Variants in SLC39A8 observed in about 807,000 individuals in gnomAD.
SLC39A8 encodes solute carrier family 39 member 8.
Under a neutral mutation model 40.4 loss-of-function variants are expected in SLC39A8, and 15 were observed. That is an observed-to-expected ratio of 0.37 (90% CI 0.25 to 0.57). The LOEUF is 0.57. SLC39A8 is among the 20% of genes least tolerant of loss of function. The probability of loss-of-function intolerance (pLI) is 0.75; values close to 1 mark genes in which losing one functional copy is unlikely to be tolerated. For missense variants in SLC39A8, 472 were observed against 558.8 expected, an observed-to-expected ratio of 0.84 and a Z score of 1.57; for synonymous variants, 223 against 221.6, an observed-to-expected ratio of 1.01 and a Z score of -0.06.
At chr4:102,282,565 C>T (rs540481274) in intron 6 of SLC39A8, among the ~76,000 whole-genome samples, 25 of 151,438 alleles carry the variant, frequency 1.7e-4, no homozygotes, top group Admixed American at 1.2e-3. Context: ...CCTTTTTGGC[C>T]GAGAATTTAG....
rs575988777 is a variant in SLC39A8 at position 102,264,152 on chromosome 4, G to A, written c.1234-959C>T. On this transcript the variant is annotated intron_variant, in intron 8 of 8. Coordinates refer to ENST00000356736, the MANE Select transcript of SLC39A8 (RefSeq NM_001135146.2). ...ACTTACTTTGCCCAGATGCATCAGA[G>A]GAATCACTATCTACAGCAACTAGAG... Among the ~76,000 whole-genome samples, 3 of 152,250 alleles carry A rather than the reference G, an allele frequency of 2.0e-5. No individual in the cohort carries two copies. The East Asian group carries it at 5.8e-4, about 29-fold the overall frequency.
At chr4:102,329,592 C>T (rs1337232061) in intron 2 of SLC39A8, among the ~76,000 whole-genome samples, 2 of 144,426 alleles carry the variant, frequency 1.4e-5, no homozygotes, top group Non-Finnish European at 3.0e-5. Context: ...CACTGCAATC[C>T]AGCCTGGGGG....
At chr4:102,297,755 C>CA (rs1039922139) in intron 6 of SLC39A8, among the ~76,000 whole-genome samples, 12 of 151,616 alleles carry the variant, frequency 7.9e-5, no homozygotes, top group South Asian at 4.2e-4. Context: ...CATTTCTACA[C>CA]AAAAAAAATT....
intron 2 of SLC39A8, among the ~76,000 whole-genome samples, chr4:102,327,760 G>T (rs962168786): frequency 2.6e-5 from 4 of 152,158 alleles, no homozygotes; most frequent in African/African-American, 9.7e-5. Flanking sequence ...TGCTAATTTT[G>T]TAGATTAAGG....
intron 2 of SLC39A8, among the ~76,000 whole-genome samples, chr4:102,334,233 A>T (rs987653201): frequency 3.3e-5 from 5 of 152,206 alleles, no homozygotes; most frequent in African/African-American, 7.2e-5. Context: ...TGGCCTTGCT[A>T]ATACAGCATC....
chr4:102,311,682 G>A (rs1734432593), intron 3 of SLC39A8, among the ~76,000 whole-genome samples: 1 of 151,956 alleles, frequency 6.6e-6, no homozygotes, highest in Admixed American at 6.6e-5. Flanking sequence ...CTTATCATCA[G>A]TTTACTGTAC....
intron 2 of SLC39A8, among the ~76,000 whole-genome samples, chr4:102,329,622 C>CAAA (rs201339453): frequency 1.3e-5 from 1 of 75,004 alleles, no homozygotes; most frequent in Admixed American, 1.5e-4. Context: ...GAATCTGTCT[C>CAAA]AAAAAAAAAA....
chr4:102,280,026 A>C (rs1272938668), intron 6 of SLC39A8, among the ~76,000 whole-genome samples: 1 of 152,184 alleles, frequency 6.6e-6, no homozygotes, highest in Non-Finnish European at 1.5e-5. Context: ...GGTTCCAGAC[A>C]GTGAGCTCTA....
At chr4:102,315,206 T>C (rs1734603496) in intron 3 of SLC39A8, among the ~76,000 whole-genome samples, 1 of 152,136 alleles carries the variant, frequency 6.6e-6, no homozygotes, top group Non-Finnish European at 1.5e-5. Context: ...TTCTTTCACC[T>C]ATGAAAATTA....
At chr4:102,292,679 AAT>A (rs1432550932) in intron 6 of SLC39A8, among the ~76,000 whole-genome samples, 1 of 152,024 alleles carries the variant, frequency 6.6e-6, no homozygotes, top group East Asian at 1.9e-4. Flanking sequence ...CCGTCATTGA[AAT>A]AGAGGACTTT....
At chr4:102,279,612 C>T (rs1386690283) in intron 6 of SLC39A8, among the ~76,000 whole-genome samples, 1 of 152,110 alleles carries the variant, frequency 6.6e-6, no homozygotes, top group Non-Finnish European at 1.5e-5. Context: ...AAGGTAAATA[C>T]AGAAGGTATT....
chr4:102,308,052 A>T (rs1254494106), intron 3 of SLC39A8, among the ~76,000 whole-genome samples: 1 of 151,990 alleles, frequency 6.6e-6, no homozygotes, highest in African/African-American at 2.4e-5. Context: ...GCAGGGATGG[A>T]GATGGGTCAC....
At chr4:102,322,235 G>A (rs1490385392) in intron 2 of SLC39A8, among the ~76,000 whole-genome samples, 1 of 152,170 alleles carries the variant, frequency 6.6e-6, no homozygotes, top group Admixed American at 6.6e-5. Flanking sequence ...CCATGTGAAA[G>A]AAGGCTAACT....
At chr4:102,251,773 T>G (rs1356606804) in exon 12 of SLC39A8, 1 of 152,238 alleles carries the variant, frequency 6.6e-6, no homozygotes, top group African/African-American at 2.4e-5. Context: ...CTATACAGAA[T>G]TCTCTCAGTT....
chr4:102,299,106 T>C (rs1326802804), intron 6 of SLC39A8, among the ~76,000 whole-genome samples: 1 of 151,922 alleles, frequency 6.6e-6, no homozygotes, highest in Non-Finnish European at 1.5e-5. Context: ...AGGGGTGTTA[T>C]GTCAAATATT....
chr4:102,277,512 T>C (rs1263721246), intron 6 of SLC39A8, among the ~76,000 whole-genome samples: 1 of 152,164 alleles, frequency 6.6e-6, no homozygotes, highest in Non-Finnish European at 1.5e-5. Context: ...ATGAAAAACA[T>C]TCCATGCTCA....
intron 2 of SLC39A8, among the ~76,000 whole-genome samples, chr4:102,336,702 G>C (rs1293600767): frequency 6.6e-6 from 1 of 152,162 alleles, no homozygotes; most frequent in Non-Finnish European, 1.5e-5. Context: ...TCTTTAGAAA[G>C]AGACGGAAGC....
At position 102,253,379 on chromosome 4, in the gene SLC39A8, A is replaced by G. The variant is rs114824667; in HGVS notation, c.*350T>C. The G allele has an allele frequency of 1.7e-3, 1,194 of 714,302 alleles. 8 individuals carry two copies. The African/African-American group carries it at 0.018, about 11-fold the overall frequency. The allele number at this position is 714,302 out of a possible 1,614,324, so 44.2% of individuals were successfully genotyped here. A position where few individuals can be genotyped will look rare whatever the true frequency, so the allele number is the denominator to read the frequency against. ...ACCAATCACTGTTGAAGGTGCTGGTATTGCAGAGATGTGGAGGTGAAATAC... is the reference window on the plus strand; with the variant it reads ...ACCAATCACTGTTGAAGGTGCTGGTGTTGCAGAGATGTGGAGGTGAAATAC... On this transcript the variant is annotated 3_prime_UTR_variant and NMD_transcript_variant, in exon 12 of 12. Transcript: ENST00000424970.
chr4:102,332,082 A>T (rs1361292919), intron 2 of SLC39A8, among the ~76,000 whole-genome samples: 2 of 152,196 alleles, frequency 1.3e-5, no homozygotes, highest in South Asian at 2.1e-4. Context: ...AACCTAGGCA[A>T]TACCATTCAG....
Sources: allele counts gnomAD v4.1 joint callset (sites outside exome capture counted in the v4.1 genomes callset), GRCh38; gene constraint gnomAD v4.1.1; transcripts MANE v1.5; gene names NCBI Gene and HGNC (gene_info 2026-07-23, HGNC 2026-07-21).